RIMS1: variants seen among roughly 807,000 people sequenced by gnomAD.
RIMS1 encodes regulating synaptic membrane exocytosis protein 1.
RIMS1 carries 83 observed loss-of-function variants against 214.1 expected under a neutral mutation model. That is an observed-to-expected ratio of 0.39 (90% CI 0.32 to 0.47). The LOEUF is 0.47. Among genes scored for constraint, RIMS1 ranks in the 20% least tolerant of loss-of-function variants. The pLI is 0.99. For missense variants in RIMS1, 2,050 were observed against 2,161.8 expected (o/e 0.95, Z 1.03); for synonymous variants, 793 against 786.8 (o/e 1.01, Z -0.13).
intron 6 of RIMS1, chr6:72,213,297 G>A (rs2054218535): frequency 7.9e-7 from 1 of 1,261,922 alleles, no homozygotes; most frequent in South Asian, 1.6e-5. Flanking sequence ...CACTCCCTCT[G>A]TATCTATTTT....
At chr6:72,380,872 C>T (rs533540095) in intron 29 of RIMS1, among the ~76,000 whole-genome samples, 4 of 152,168 alleles carry the variant, frequency 2.6e-5, no homozygotes, top group Admixed American at 1.3e-4. Context: ...AAAAACAAGT[C>T]CATTCCAGTA....
intron 6 of RIMS1, among the ~76,000 whole-genome samples, chr6:72,210,006 G>A (rs964093036): frequency 7.9e-5 from 12 of 151,958 alleles, no homozygotes; most frequent in African/African-American, 2.9e-4. Flanking sequence ...TACAGAAGCT[G>A]TCCATCTGGG....
At chr6:72,369,751 G>A (rs1316176265) in intron 29 of RIMS1, among the ~76,000 whole-genome samples, 3 of 152,198 alleles carry the variant, frequency 2.0e-5, no homozygotes, top group Non-Finnish European at 2.9e-5. Context: ...GGCAACAGTA[G>A]CCTGGCCAAG....
chr6:72,072,909 G>A (rs77640178), intron 2 of RIMS1, among the ~76,000 whole-genome samples: 140 of 152,274 alleles, frequency 9.2e-4, no homozygotes, highest in African/African-American at 3.2e-3. Flanking sequence ...TTATCAGTGA[G>A]CAAAATAGAC....
chr6:72,332,273 T>C (rs2154340029), intron 28 of RIMS1, among the ~76,000 whole-genome samples: 1 of 151,932 alleles, frequency 6.6e-6, no homozygotes. Context: ...TTTGCAAATA[T>C]TTTGAGGAAA....
At chr6:72,383,764 T>C (rs2098537606) in intron 29 of RIMS1, among the ~76,000 whole-genome samples, 3 of 152,008 alleles carry the variant, frequency 2.0e-5, no homozygotes, top group African/African-American at 7.2e-5. Flanking sequence ...CACTCCAGCC[T>C]AGTGATGGCA....
intron 11 of RIMS1, among the ~76,000 whole-genome samples, chr6:72,247,428 A>T (rs933422033): frequency 6.6e-6 from 1 of 151,356 alleles, no homozygotes; most frequent in African/African-American, 2.4e-5. Flanking sequence ...CCAGCTACTC[A>T]GGAGGCTGAG....
intron 2 of RIMS1, among the ~76,000 whole-genome samples, chr6:72,066,787 A>G (rs1416046827): frequency 6.6e-6 from 1 of 152,140 alleles, no homozygotes; most frequent in Non-Finnish European, 1.5e-5. Context: ...AACTTAATCT[A>G]GATGCTACTC....
chr6:72,112,610 C>T (rs758649509), intron 4 of RIMS1, among the ~76,000 whole-genome samples: 24 of 152,098 alleles, frequency 1.6e-4, no homozygotes, highest in Non-Finnish European at 2.8e-4. Flanking sequence ...GCTAGCATAA[C>T]TCTCTTTTCC....
Position 72,400,896 on chromosome 6 carries a change from G to T in RIMS1, c.*182G>T, listed in dbSNP as rs960048959. ...ACATGGCTTCATATGACAGAACAAG[G>T]CAATCTATCAAATTTACAGGAAGAA... On this transcript the variant is annotated 3_prime_UTR_variant, in exon 34 of 34. Transcript: ENST00000521978. The T allele has an allele frequency of 3.8e-5, 21 of 557,360 alleles. No individual in the cohort carries two copies. The highest frequency in any genetic ancestry group is 6.4e-5 in the Non-Finnish European group (20 of 314,946). The allele number at this position is 557,360 out of a possible 1,614,324, so 34.5% of individuals were successfully genotyped here. A position where few individuals can be genotyped will look rare whatever the true frequency, so the allele number is the denominator to read the frequency against.
chr6:71,965,975 C>G (rs1794340135), intron 1 of RIMS1, among the ~76,000 whole-genome samples: 1 of 152,106 alleles, frequency 6.6e-6, no homozygotes, highest in South Asian at 2.1e-4. Flanking sequence ...TATACCAAGT[C>G]TAATGCATAG....
intron 6 of RIMS1, among the ~76,000 whole-genome samples, chr6:72,232,535 G>T (rs2062386483): frequency 6.6e-6 from 1 of 151,566 alleles, no homozygotes; most frequent in African/African-American, 2.4e-5. Context: ...TATGTGATTT[G>T]GAGAGAGATA....
chr6:72,266,945 A>G (rs967094411), intron 22 of RIMS1, among the ~76,000 whole-genome samples: 4 of 152,116 alleles, frequency 2.6e-5, no homozygotes, highest in Non-Finnish European at 4.4e-5. Context: ...GGCTACTTAA[A>G]GCTTTTCTTT....
At chr6:72,213,251 T>G (rs762914810) in intron 6 of RIMS1, 3 of 1,521,236 alleles carry the variant, frequency 2.0e-6, no homozygotes, top group Non-Finnish European at 2.6e-6. Flanking sequence ...TAATCCCACT[T>G]CATTTTGTCC....
chr6:72,157,476 A>T (rs2044592533), intron 4 of RIMS1, among the ~76,000 whole-genome samples: 1 of 140,100 alleles, frequency 7.1e-6, no homozygotes, highest in African/African-American at 2.5e-5. Flanking sequence ...ATGAAATCAG[A>T]GTTGTGTGTC....
In RIMS1 at chr6:72,199,014, A is replaced by G. The variant is rs533938575; in HGVS notation, c.1678+15865A>G. Among the ~76,000 whole-genome samples the G allele has an allele frequency of 7.2e-5, 11 of 152,166 alleles. No homozygotes were observed. The South Asian group carries it at 1.9e-3, about 26-fold the overall frequency. The stretch of plus-strand genomic sequence containing the variant: ...ATAGTAGAACTAACCCAGAAATTCA[A>G]TGCAAGGAAGTCCCTGAATGACATG... On this transcript the variant is annotated intron_variant, in intron 6 of 33. Coordinates refer to ENST00000521978, the MANE Select transcript of RIMS1 (RefSeq NM_014989.7).
At position 72,265,971 on chromosome 6, in the gene RIMS1, C is replaced by T. The variant is rs1232068389; in HGVS notation, c.3320C>T (p.Pro1107Leu). 1 of 1,572,484 alleles carries T rather than the reference C, an allele frequency of 6.4e-7. No individual in the cohort carries two copies. Among genetic ancestry groups the T allele is most frequent in the Admixed American group, 1.8e-5 (1 of 54,172 alleles). Residue 1107 changes from proline to leucine, a missense_variant, in exon 22 of 34, where the codon CCC (proline) becomes CTC (leucine). Pro to Leu is a moderately conservative substitution (Grantham distance 98, BLOSUM62 -3). This residue lies in a region of RIMS1 where 889 missense variants were observed against 885.5 expected (regional missense o/e 1.00). Coordinates refer to ENST00000521978, the MANE Select transcript of RIMS1 (RefSeq NM_014989.7). ...TDEILVSELQ[P>L]FLDRARSAST... is the part of the protein sequence containing the mutation. ...TGCACTGGCACTAGTGAACTGCAGC[C>T]CTTTCTTGACAGGGCTAGGAGTGCT...
chr6:71,989,428 T>C (rs1284472312), intron 2 of RIMS1, among the ~76,000 whole-genome samples: 1 of 152,182 alleles, frequency 6.6e-6, no homozygotes, highest in Non-Finnish European at 1.5e-5. Flanking sequence ...CTTAATTTCA[T>C]GGGTGAAGCT....
chr6:71,984,936 T>C (rs1178884359), intron 2 of RIMS1, among the ~76,000 whole-genome samples: 1 of 152,156 alleles, frequency 6.6e-6, no homozygotes, highest in Non-Finnish European at 1.5e-5. Flanking sequence ...TCCTACACTC[T>C]TCCTCCTTCA....
Sources: gnomAD v4.1 joint callset for allele counts (sites outside exome capture counted in the v4.1 genomes callset) on GRCh38, gnomAD v4.1.1 for gene constraint, gnomAD v4.1.1 regional missense constraint, MANE v1.5 for transcripts, NCBI Gene and HGNC (gene_info 2026-07-23, HGNC 2026-07-21) for gene names.